Variants in FAM114A1 observed in about 807,000 individuals in gnomAD.
The protein encoded by FAM114A1 is family with sequence similarity 114 member A1.
A neutral mutation model predicts 64.3 loss-of-function variants in FAM114A1; 62 were observed. The ratio of observed to expected loss-of-function variants is 0.96; its 90% confidence interval spans 0.79 to 1.19. FAM114A1 has a LOEUF of 1.19. Among genes scored for constraint, FAM114A1 ranks in the 50% most tolerant of loss-of-function variants. The pLI is 0.00. For synonymous variants in FAM114A1, 254 were observed against 251.1 expected, an observed-to-expected ratio of 1.01 and a Z score of -0.11; for missense variants, 645 against 676.3, an observed-to-expected ratio of 0.95 and a Z score of 0.51.
chr4:38,885,837 G>A (rs1424308588), intron 3 of FAM114A1, among the ~76,000 whole-genome samples: 3 of 152,124 alleles, frequency 2.0e-5, no homozygotes, highest in Non-Finnish European at 4.4e-5. Context: ...TTGGATTGTA[G>A]GTTAATTTGA....
chr4:38,915,744 GGTGTGT>G (rs58018099), intron 8 of FAM114A1, among the ~76,000 whole-genome samples: 13,006 of 139,076 alleles, frequency 0.094, 924 homozygotes, highest in African/African-American at 0.2. Context: ...CATCTATAGT[GGTGTGT>G]GTGTGTGTGT....
chr4:38,914,748 G>T, intron 7 of FAM114A1, 173 bp from the exon 8 acceptor site: 1 of 688,442 alleles, frequency 1.5e-6, no homozygotes, highest in East Asian at 2.8e-5. Flanking sequence ...AGGATATGAT[G>T]TAAAAGTTAT....
chr4:38,902,079 A>G (rs1273403288), intron 4 of FAM114A1, among the ~76,000 whole-genome samples: 4 of 152,250 alleles, frequency 2.6e-5, no homozygotes, highest in Non-Finnish European at 5.9e-5. Context: ...CTTTCTTAAC[A>G]TAACATAGTG....
At chr4:38,876,526 T>G (rs2109536677) in intron 2 of FAM114A1, among the ~76,000 whole-genome samples, 1 of 152,336 alleles carries the variant, frequency 6.6e-6, no homozygotes. Flanking sequence ...CCAGAGTCAA[T>G]AATTTTAAAG....
rs117777054 is a variant in FAM114A1 at position 38,894,531 on chromosome 4, A to G, written c.436+2701A>G. ...ACCATCTACTGGTTATATTTGAACC[A>G]AGTAACAAAACCTAGAGGCCTTGGA... On this transcript the variant is annotated intron_variant, in intron 4 of 14. Transcript: ENST00000358869. Among the ~76,000 whole-genome samples, 278 of 152,338 alleles carry G rather than the reference A, an allele frequency of 1.8e-3. 6 individuals are homozygous for G. In the East Asian group the frequency reaches 0.047, roughly 26 times the overall value.
rs551719814 is a variant in FAM114A1 at position 38,932,447 on chromosome 4, C to T, written c.1463+73C>T. 50 of 1,377,698 alleles carry T rather than the reference C, an allele frequency of 3.6e-5. No individual in the cohort carries two copies. The South Asian group carries it at 5.0e-4, about 14-fold the overall frequency. 85.3% of individuals were successfully genotyped at this position (1,377,698 alleles called of 1,614,324 possible). A position where few individuals can be genotyped will look rare whatever the true frequency, so the allele number is the denominator to read the frequency against. On this transcript the variant is annotated intron_variant, in intron 12 of 14. Coordinates refer to ENST00000358869, the MANE Select transcript of FAM114A1 (RefSeq NM_138389.4). ...GGTACCATTCAGATACACACATACACACCCACACCCTCTAAGCCACTAGAA... is the reference window on the plus strand; with the variant it reads ...GGTACCATTCAGATACACACATACATACCCACACCCTCTAAGCCACTAGAA...
At chr4:38,895,470 C>CT (rs1048199138) in intron 4 of FAM114A1, among the ~76,000 whole-genome samples, 4 of 152,216 alleles carry the variant, frequency 2.6e-5, no homozygotes, top group African/African-American at 9.6e-5. Flanking sequence ...TGAAATTCAA[C>CT]TGATCAAGGA....
chr4:38,919,717 T>C (rs1719409991), intron 8 of FAM114A1, among the ~76,000 whole-genome samples: 1 of 152,182 alleles, frequency 6.6e-6, no homozygotes, highest in Admixed American at 6.5e-5. Flanking sequence ...CTCCCATGTT[T>C]TAAAAGCCTT....
intron 4 of FAM114A1, among the ~76,000 whole-genome samples, chr4:38,899,504 C>A (rs1282039782): frequency 6.6e-6 from 1 of 152,168 alleles, no homozygotes; most frequent in Non-Finnish European, 1.5e-5. Flanking sequence ...CACTGTGATT[C>A]CAGGCAGCAC....
rs945328105 is a variant in FAM114A1 at position 38,876,173 on chromosome 4, T to C, written c.-8-1898T>C. ...TTTCTAGACTTATTCTTTTTTCTTT[T>C]TTTTTTTTTTTTTTTTGAGACGGTC... On this transcript the variant is annotated intron_variant, in intron 2 of 14. Coordinates refer to ENST00000358869, the MANE Select transcript of FAM114A1 (RefSeq NM_138389.4). 4.0e-3 allele frequency among the ~76,000 whole-genome samples: 580 copies of C among 145,992 alleles called. 6 individuals are homozygous for C. The highest frequency in any genetic ancestry group is 0.014 in the African/African-American group (537 of 39,508).
chr4:38,877,255 A>G (rs1228322841), intron 2 of FAM114A1, among the ~76,000 whole-genome samples: 1 of 152,144 alleles, frequency 6.6e-6, no homozygotes, highest in Non-Finnish European at 1.5e-5. Context: ...TATTTCTATT[A>G]TTATTACGTT....
At position 38,895,875 on chromosome 4, in the gene FAM114A1, A is replaced by T. The variant is rs1716882287; in HGVS notation, c.436+4045A>T. ...TATTTCACACATCTAAACATAGAAAAGGCACAGGAAAAATACAGTATTATG... is the reference window on the plus strand; with the variant it reads ...TATTTCACACATCTAAACATAGAAATGGCACAGGAAAAATACAGTATTATG... On this transcript the variant is annotated intron_variant, in intron 4 of 14. Coordinates refer to ENST00000358869, the MANE Select transcript of FAM114A1 (RefSeq NM_138389.4). Among the ~76,000 whole-genome samples, 3 of 152,334 alleles carry T rather than the reference A, an allele frequency of 2.0e-5. No individual in the cohort carries two copies. The South Asian group carries it at 6.2e-4, about 32-fold the overall frequency.
At position 38,878,211 on chromosome 4, in the gene FAM114A1, C is replaced by G. The variant is rs763008116; in HGVS notation, c.133C>G (p.Pro45Ala). The G allele has an allele frequency of 3.7e-6, 6 of 1,614,102 alleles. No individual in the cohort carries two copies. The African/African-American group carries it at 6.7e-5, about 18-fold the overall frequency. Reference protein sequence around the residue: ...DSAAVSHEPTPADPRGEGHEN... With the variant: ...DSAAVSHEPTAADPRGEGHEN... ...AGCTGCAGTTTCACATGAGCCAACA[C>G]CAGCTGACCCCAGAGGGGAGGGGCA... is the stretch of plus-strand genomic sequence containing the variant. Residue 45 changes from proline to alanine, a missense_variant, in exon 3 of 15, where the codon CCA becomes GCA. Transcript: ENST00000358869.
chr4:38,915,773 G>C (rs113883244), intron 8 of FAM114A1, among the ~76,000 whole-genome samples: 16 of 143,968 alleles, frequency 1.1e-4, no homozygotes, highest in African/African-American at 3.1e-4. Context: ...GTGTGTGTGT[G>C]TGTGTGTGTG....
At chr4:38,913,199 G>A (rs1718723174) in intron 7 of FAM114A1, among the ~76,000 whole-genome samples, 1 of 152,158 alleles carries the variant, frequency 6.6e-6, no homozygotes, top group Admixed American at 6.5e-5. Flanking sequence ...TAAACTTAAT[G>A]AGGAATCACA....
At chr4:38,922,614 G>T (rs538782945) in intron 8 of FAM114A1, among the ~76,000 whole-genome samples, 156 bp from the exon 9 acceptor site, 1 of 152,284 alleles carries the variant, frequency 6.6e-6, no homozygotes, top group East Asian at 1.9e-4. Flanking sequence ...CTTGCACAAA[G>T]TTGCACAGTT....
intron 4 of FAM114A1, among the ~76,000 whole-genome samples, chr4:38,903,783 C>A (rs1050396801): frequency 6.6e-6 from 1 of 152,118 alleles, no homozygotes; most frequent in Admixed American, 6.6e-5. Context: ...GTCTAATGAT[C>A]TGCACATGAC....
chr4:38,917,622 CAG>C (rs1225267545), intron 8 of FAM114A1, among the ~76,000 whole-genome samples: 12 of 152,110 alleles, frequency 7.9e-5, no homozygotes, highest in Admixed American at 5.2e-4. Context: ...AAAAATATCA[CAG>C]GGGAGCGTGG....
intron 3 of FAM114A1, among the ~76,000 whole-genome samples, chr4:38,888,636 T>A (rs929486226): frequency 4.6e-5 from 7 of 152,240 alleles, no homozygotes; most frequent in African/African-American, 1.7e-4. Flanking sequence ...CCCTTTTGAT[T>A]AAGCCAAATC....
Sources: gnomAD v4.1 joint callset for allele counts (sites outside exome capture counted in the v4.1 genomes callset) on GRCh38, gnomAD v4.1.1 for gene constraint, MANE v1.5 for transcripts, NCBI Gene and HGNC (gene_info 2026-07-23, HGNC 2026-07-21) for gene names.